NAT1: variants seen among roughly 807,000 people sequenced by gnomAD.
NAT1 encodes N-acetyltransferase 1.
For missense variants in NAT1, 400 were observed against 339.2 expected, an observed-to-expected ratio of 1.18 and a Z score of -1.41; for synonymous variants, 144 against 122.6, an observed-to-expected ratio of 1.17 and a Z score of -1.16.
chr8:18,223,100 C>A lies in NAT1; in HGVS notation c.*180C>A. The A allele has an allele frequency of 3.7e-6, 1 of 271,342 alleles. No individual in the cohort carries two copies. Among genetic ancestry groups the A allele is most frequent in the Non-Finnish European group, 7.2e-6 (1 of 139,764 alleles). The allele number at this position is 271,342 out of a possible 1,614,324, so 16.8% of individuals were successfully genotyped here. A position where few individuals can be genotyped will look rare whatever the true frequency, so the allele number is the denominator to read the frequency against. On this transcript the variant is annotated 3_prime_UTR_variant, in exon 3 of 3. Coordinates refer to ENST00000307719, the MANE Select transcript of NAT1 (RefSeq NM_000662.8). ...ACAGCTTTTTAAAGAAACATAACCA[C>A]AAACCTTTTCAAATAATAATAATAA...
At chr8:18,200,719 C>G (rs138573891) in intron 2 of NAT1, among the ~76,000 whole-genome samples, 1 of 152,008 alleles carries the variant, frequency 6.6e-6, no homozygotes, top group Non-Finnish European at 1.5e-5. Flanking sequence ...AACCACTGTA[C>G]GGGATTGATT....
At chr8:18,187,203 A>G (rs989552023) in intron 2 of NAT1, among the ~76,000 whole-genome samples, 1 of 152,202 alleles carries the variant, frequency 6.6e-6, no homozygotes, top group African/African-American at 2.4e-5. Context: ...AAAATAACAC[A>G]TGCTGGCGAG....
At chr8:18,176,781 T>C (rs755944245) in intron 2 of NAT1, among the ~76,000 whole-genome samples, 107 of 152,052 alleles carry the variant, frequency 7.0e-4, no homozygotes, top group Non-Finnish European at 1.4e-3. Flanking sequence ...AAAGGAGTTG[T>C]ATTGAGTCTG....
At chr8:18,204,755 G>T (rs772332301) in intron 2 of NAT1, among the ~76,000 whole-genome samples, 3 of 152,174 alleles carry the variant, frequency 2.0e-5, no homozygotes, top group Non-Finnish European at 4.4e-5. Flanking sequence ...AGCCATAAGA[G>T]AATCAATTCT....
chr8:18,202,491 TGA>T (rs1250094964), intron 2 of NAT1, among the ~76,000 whole-genome samples: 1 of 152,216 alleles, frequency 6.6e-6, no homozygotes, highest in Non-Finnish European at 1.5e-5. Flanking sequence ...ACCTTTGCGG[TGA>T]GTGTTACAGC....
At chr8:18,180,144 C>A (rs1383795715) in intron 2 of NAT1, among the ~76,000 whole-genome samples, 2 of 152,002 alleles carry the variant, frequency 1.3e-5, no homozygotes, top group East Asian at 1.9e-4. Flanking sequence ...ATTGAAACCC[C>A]AAAAATCATT....
chr8:18,218,179 C>T (rs1804892582), intron 1 of NAT1, among the ~76,000 whole-genome samples: 2 of 152,268 alleles, frequency 1.3e-5, no homozygotes, highest in African/African-American at 4.8e-5. Flanking sequence ...TATTCCCGGC[C>T]ACAAGACGAT....
At chr8:18,208,823 A>G (rs1190287820), upstream of NAT1, among the ~76,000 whole-genome samples, 1 of 152,204 alleles carries the variant, frequency 6.6e-6, no homozygotes, top group African/African-American at 2.4e-5. Context: ...GGTCAGAGGG[A>G]AATCTGCTAC....
At chr8:18,193,298 C>G (rs192857368) in intron 2 of NAT1, among the ~76,000 whole-genome samples, 43 of 149,604 alleles carry the variant, frequency 2.9e-4, no homozygotes, top group African/African-American at 9.8e-4. Flanking sequence ...TCAAGCTGGT[C>G]TCCAACTCCT....
chr8:18,190,903 C>G (rs141420312), intron 2 of NAT1, among the ~76,000 whole-genome samples: 1,734 of 151,982 alleles, frequency 0.011, 11 homozygotes, highest in Middle Eastern at 0.031. Flanking sequence ...CCCATCTCTA[C>G]TAAAAATACA....
chr8:18,204,037 C>A (rs73666900), intron 2 of NAT1, among the ~76,000 whole-genome samples: 1 of 152,164 alleles, frequency 6.6e-6, no homozygotes, highest in African/African-American at 2.4e-5. Flanking sequence ...GCCTTCCGCA[C>A]GCACTATGTA....
intron 1 of NAT1, chr8:18,212,188 G>C (rs780624866): frequency 3.3e-5 from 5 of 152,100 alleles, no homozygotes; most frequent in Non-Finnish European, 7.3e-5. Context: ...TGCTCTCCAG[G>C]GGTACCAATC....
At chr8:18,178,655 T>C (rs901823235) in intron 2 of NAT1, among the ~76,000 whole-genome samples, 1 of 152,128 alleles carries the variant, frequency 6.6e-6, no homozygotes, top group Non-Finnish European at 1.5e-5. Context: ...ATGAATAGAA[T>C]TGCAAGGCTT....
intron 1 of NAT1, among the ~76,000 whole-genome samples, chr8:18,217,354 C>T (rs189614406): frequency 1.3e-3 from 196 of 152,352 alleles, no homozygotes; most frequent in Middle Eastern, 3.4e-3. Context: ...ACTTAACTTC[C>T]GGTAAGCACA....
chr8:18,186,144 A>G (rs1425660887), intron 2 of NAT1, among the ~76,000 whole-genome samples: 1 of 152,058 alleles, frequency 6.6e-6, no homozygotes, highest in African/African-American at 2.4e-5. Context: ...CCATGTTTTA[A>G]AAAAAATCTA....
chr8:18,222,000 A>G, intron 2 of NAT1, 42 bp from the exon 3 acceptor site: 1 of 1,556,570 alleles, frequency 6.4e-7, no homozygotes, highest in East Asian at 2.3e-5. Context: ...ATCCAAGTGT[A>G]AAAGTAAAAT....
intron 2 of NAT1, among the ~76,000 whole-genome samples, chr8:18,182,839 T>A (rs1168702174): frequency 1.3e-5 from 2 of 152,028 alleles, no homozygotes; most frequent in Admixed American, 1.3e-4. Context: ...ATAAATTACA[T>A]GTTTTCATTA....
chr8:18,222,551 G>C lies in NAT1; in HGVS notation c.504G>C (p.Gln168His). Residue 168 changes from glutamine (Q) to histidine (H), a missense_variant, in exon 3 of 3, where the codon CAG (glutamine) becomes CAC (histidine). Transcript: ENST00000307719. ...FWYLDQIRRE[Q>H]YIPNEEFLHS... is the part of the protein sequence containing the mutation. ...ATCTAGACCAAATCAGAAGGGAACA[G>C]TACATTCCAAATGAAGAATTTCTTC... is the stretch of plus-strand genomic sequence containing the variant. The C allele has an allele frequency of 1.2e-6, 2 of 1,614,096 alleles. No individual in the cohort carries two copies. Among genetic ancestry groups the C allele is most frequent in the Non-Finnish European group, 1.7e-6 (2 of 1,179,992 alleles).
chr8:18,202,234 T>C (rs781649700), intron 2 of NAT1, among the ~76,000 whole-genome samples: 1 of 152,216 alleles, frequency 6.6e-6, no homozygotes, highest in Non-Finnish European at 1.5e-5. Flanking sequence ...GTTTTAAACC[T>C]AAGTTCTGTG....
Sources: gnomAD v4.1 joint callset for allele counts (sites outside exome capture counted in the v4.1 genomes callset) on GRCh38, gnomAD v4.1.1 for gene constraint, MANE v1.5 for transcripts, NCBI Gene and HGNC (gene_info 2026-07-23, HGNC 2026-07-21) for gene names.